API5: variants seen among roughly 807,000 people sequenced by gnomAD.
API5 encodes the protein FIF.
A neutral mutation model predicts 71.9 loss-of-function variants in API5; 6 were observed. That is an observed-to-expected ratio of 0.08 (90% confidence interval 0.05 to 0.16). API5 has a LOEUF of 0.16. Ranked by LOEUF, API5 falls within the 10% of genes least tolerant of loss-of-function variation. The probability of loss-of-function intolerance (pLI) is 1.00; values close to 1 mark genes in which losing one functional copy is unlikely to be tolerated. For missense variants in API5, 332 were observed against 612.8 expected (o/e 0.54, Z 4.84); for synonymous variants, 189 against 221.3 (o/e 0.85, Z 1.30).
At chr11:43,338,648 TAAAAAAAAAAA>T (rs35510804) in intron 13 of API5, among the ~76,000 whole-genome samples, 2 of 97,012 alleles carry the variant, frequency 2.1e-5, no homozygotes, top group Admixed American at 1.2e-4. Context: ...CAATTGGAGG[TAAAAAAAAAAA>T]AAAAAAAAAA....
rs913623202 is a variant in API5 at position 43,312,334 on chromosome 11, G to A, written c.69+138G>A. 65 of 894,086 alleles carry A rather than the reference G, an allele frequency of 7.3e-5. No individual in the cohort carries two copies. In the East Asian group the frequency reaches 1.3e-3, roughly 18 times the overall value. 55.4% of individuals were successfully genotyped at this position (894,086 alleles called of 1,614,324 possible). A position where few individuals can be genotyped will look rare whatever the true frequency, so the allele number is the denominator to read the frequency against. On this transcript the variant is annotated intron_variant, in intron 1 of 13. Coordinates refer to ENST00000531273, the MANE Select transcript of API5 (RefSeq NM_001142930.2). ...CCTCCTAGCCTCCTCAGGCCGTCTC[G>A]TCGGGGTGGGCCTCTCTGGGAGTGT...
chr11:43,318,143 G>A (rs926303711), intron 1 of API5, among the ~76,000 whole-genome samples: 13 of 152,082 alleles, frequency 8.5e-5, no homozygotes, highest in Non-Finnish European at 8.8e-5. Flanking sequence ...CCGAGTAGCC[G>A]GGATTACAGG....
At chr11:43,323,806 A>G (rs1282788364) in intron 6 of API5, among the ~76,000 whole-genome samples, 170 bp downstream of exon 6, 2 of 152,180 alleles carry the variant, frequency 1.3e-5, no homozygotes, top group African/African-American at 4.8e-5. Context: ...CTGGTTGAGC[A>G]TCCCTAATTC....
At chr11:43,312,707 G>T (rs893311561) in intron 1 of API5, among the ~76,000 whole-genome samples, 1 of 152,134 alleles carries the variant, frequency 6.6e-6, no homozygotes, top group African/African-American at 2.4e-5. Context: ...AGAGCTCACG[G>T]TTTCATTTAT....
At chr11:43,341,711 A>G (rs1855622225) in intron 13 of API5, among the ~76,000 whole-genome samples, 1 of 152,182 alleles carries the variant, frequency 6.6e-6, no homozygotes, top group South Asian at 2.1e-4. Context: ...ATAGAAGAAT[A>G]TTGAATGTTC....
In API5 at chr11:43,330,500, C is replaced by A; in HGVS notation, c.1222-8C>A. ...GCAATTTGTCTTAATTTTCCTTTCC[C>A]TTTGTAGAACAAGATTAAAGTCGTT... On this transcript the variant is annotated splice_region_variant and splice_polypyrimidine_tract_variant and intron_variant, in intron 10 of 13. Coordinates refer to ENST00000531273, the MANE Select transcript of API5 (RefSeq NM_001142930.2). 1 of 1,584,188 alleles carries A rather than the reference C, an allele frequency of 6.3e-7. No individual in the cohort carries two copies. Among genetic ancestry groups the A allele is most frequent in the South Asian group, 1.1e-5 (1 of 90,094 alleles).
intron 6 of API5, among the ~76,000 whole-genome samples, chr11:43,323,969 A>C (rs1590359207): frequency 6.6e-6 from 1 of 152,192 alleles, no homozygotes; most frequent in South Asian, 2.1e-4. Flanking sequence ...TGAAGGCCAC[A>C]GTGGTGTTGG....
chr11:43,322,307 T>C lies in API5; in HGVS notation c.543+171T>C, dbSNP rs147430289. Among the ~76,000 whole-genome samples, 18 of 152,346 alleles carry C rather than the reference T, an allele frequency of 1.2e-4. No individual in the cohort carries two copies. In the East Asian group the frequency reaches 2.7e-3, roughly 23 times the overall value. The stretch of plus-strand genomic sequence containing the variant: ...TTTCTTAGATTGAATTTAGCACTTT[T>C]GTCGGTGGTAATGATGAATCAATTT... On this transcript the variant is annotated intron_variant, in intron 5 of 13. Coordinates refer to ENST00000531273, the MANE Select transcript of API5 (RefSeq NM_001142930.2).
At chr11:43,321,626 A>G in intron 4 of API5, 150 bp downstream of exon 4, 1 of 634,158 alleles carries the variant, frequency 1.6e-6, no homozygotes, top group Non-Finnish European at 2.6e-6. Context: ...TTAGGTCAAG[A>G]TGTTTATGAC....
chr11:43,328,220 T>C (rs2134363845), intron 8 of API5, among the ~76,000 whole-genome samples: 1 of 152,360 alleles, frequency 6.6e-6, no homozygotes, highest in African/African-American at 2.4e-5. Context: ...TGTAACTTAC[T>C]GGGTTGTTAT....
In API5 at chr11:43,335,976, T is replaced by C. The variant is rs1396322802; in HGVS notation, c.1474T>C (p.Leu492=). 6.2e-7 allele frequency: 1 copy of C among 1,613,948 alleles called. No individual in the cohort carries two copies. Among genetic ancestry groups the C allele is most frequent in the African/African-American group, 1.3e-5 (1 of 74,906 alleles). Residue 492 remains leucine (L), a synonymous_variant, in exon 13 of 14, where the codon TTG becomes CTG. Transcript: ENST00000531273. ...TCCCAGTGGGAAATATAGCAGCAAT[T>C]TGGGCAACTTTAATTATGGTGAGCG... ...NPPSGKYSSN[L]GNFNYEQRGA... is the part of the protein sequence containing the mutation.
chr11:43,320,924 T>A lies in API5; in HGVS notation c.325+10T>A. 6.3e-7 allele frequency: 1 copy of A among 1,589,612 alleles called. No individual in the cohort carries two copies. Among genetic ancestry groups the A allele is most frequent in the Non-Finnish European group, 8.6e-7 (1 of 1,161,236 alleles). On this transcript the variant is annotated intron_variant, in intron 3 of 13. Transcript: ENST00000531273. ...CAACTTTTGCAGACAGGTAAGGGAT[T>A]TTATTATTACCTTTTTCTCTAAATA...
At chr11:43,316,555 C>A (rs528215235) in intron 1 of API5, among the ~76,000 whole-genome samples, 2 of 152,186 alleles carry the variant, frequency 1.3e-5, no homozygotes, top group East Asian at 1.9e-4. Flanking sequence ...AGGCAAACCA[C>A]AGGAATGTAA....
Position 43,326,335 on chromosome 11 carries a change from G to T in API5, c.751-172G>T, listed in dbSNP as rs5743235. Among the ~76,000 whole-genome samples the T allele has an allele frequency of 2.2e-3, 327 of 151,840 alleles. 1 individual carries two copies. Among genetic ancestry groups the T allele is most frequent in the South Asian group, 0.015 (71 of 4,796 alleles). ...TCCATGAACTTATTGAAGCCCCTTC[G>T]TAGATCACCTATTGAGGTTATATCT... On this transcript the variant is annotated intron_variant, in intron 6 of 13. Transcript: ENST00000531273.
At position 43,313,186 on chromosome 11, in the gene API5, C is replaced by T. The variant is rs544756116; in HGVS notation, c.69+990C>T. 3.0e-4 allele frequency among the ~76,000 whole-genome samples: 45 copies of T among 151,678 alleles called. 1 individual carries two copies. The South Asian group carries it at 5.0e-3, about 17-fold the overall frequency. On this transcript the variant is annotated intron_variant, in intron 1 of 13. Transcript: ENST00000531273. ...TTGAAGAAAATAAAACAGGGCTGGG[C>T]GAAGGAGAGTGTGAGTGCGCAGCTC...
intron 13 of API5, among the ~76,000 whole-genome samples, chr11:43,339,761 T>C (rs144669981): frequency 9.2e-5 from 14 of 152,316 alleles, no homozygotes; most frequent in Middle Eastern, 6.8e-3. Context: ...TTGCGTGAAA[T>C]ACTGTGATCA....
chr11:43,312,798 G>A (rs1356554608), intron 1 of API5, among the ~76,000 whole-genome samples: 1 of 152,112 alleles, frequency 6.6e-6, no homozygotes, highest in Non-Finnish European at 1.5e-5. Flanking sequence ...AGTTAGGAGG[G>A]AGTGTAGTAA....
At chr11:43,330,084 A>G (rs1253632674) in intron 10 of API5, 26 bp downstream of exon 10, 2 of 1,570,380 alleles carry the variant, frequency 1.3e-6, no homozygotes, top group South Asian at 2.2e-5. Context: ...CACATTTCAT[A>G]AACTGCTAGT....
intron 5 of API5, among the ~76,000 whole-genome samples, chr11:43,322,807 A>G (rs1392369185): frequency 6.6e-6 from 1 of 152,202 alleles, no homozygotes; most frequent in Non-Finnish European, 1.5e-5. Context: ...TCAGTGAGAA[A>G]AAAGTAGATC....
Sources: gnomAD v4.1 joint callset for allele counts (sites outside exome capture counted in the v4.1 genomes callset) on GRCh38, gnomAD v4.1.1 for gene constraint, MANE v1.5 for transcripts, NCBI Gene and HGNC (gene_info 2026-07-23, HGNC 2026-07-21) for gene names.